DDRGK1: variants seen among roughly 807,000 people sequenced by gnomAD.
The protein encoded by DDRGK1 is DDRGK domain-containing protein 1.
A neutral mutation model predicts 45.8 loss-of-function variants in DDRGK1; 38 were observed. The ratio of observed to expected loss-of-function variants is 0.83; its 90% confidence interval spans 0.64 to 1.09. DDRGK1 has a LOEUF of 1.09. Ranked by LOEUF, DDRGK1 falls within the 50% of genes least tolerant of loss-of-function variation. The probability of loss-of-function intolerance (pLI) is 0.00; values close to 1 mark genes in which losing one functional copy is unlikely to be tolerated. For missense variants in DDRGK1, 403 were observed against 419.9 expected (o/e 0.96, Z 0.35); for synonymous variants, 171 against 168.7 (o/e 1.01, Z -0.11).
intron 2 of DDRGK1, among the ~76,000 whole-genome samples, chr20:3,201,529 A>AAGG (rs2067039570): frequency 6.6e-6 from 1 of 151,966 alleles, no homozygotes; most frequent in South Asian, 2.1e-4. Flanking sequence ...AGCCACAAAG[A>AAGG]AGGAGGTATC....
chr20:3,201,853 C>T (rs1015461465), intron 2 of DDRGK1, among the ~76,000 whole-genome samples: 2 of 151,484 alleles, frequency 1.3e-5, no homozygotes, highest in Admixed American at 6.6e-5. Flanking sequence ...TAGTAGAGAC[C>T]GGGTTTCACC....
At chr20:3,191,699 G>T in intron 7 of DDRGK1, 66 bp downstream of exon 7, 1 of 1,520,092 alleles carries the variant, frequency 6.6e-7, no homozygotes, top group Non-Finnish European at 9.0e-7. Context: ...CTTTAGGGCA[G>T]GTCCTCTCTG....
chr20:3,191,879 A>T, intron 6 of DDRGK1, 58 bp from the exon 7 acceptor site: 1 of 1,539,856 alleles, frequency 6.5e-7, no homozygotes, highest in Non-Finnish European at 8.8e-7. Flanking sequence ...CCCTCTAAGC[A>T]TGGGCACCCT....
At chr20:3,191,929 G>C (rs1226975948) in intron 6 of DDRGK1, 108 bp from the exon 7 acceptor site, 3 of 1,045,868 alleles carry the variant, frequency 2.9e-6, no homozygotes, top group Non-Finnish European at 2.8e-6. Context: ...TCGGTGGCTG[G>C]AAAAACACTG....
rs75337002 is a variant in DDRGK1, at chr20:3,201,676, G to C, written c.296-1222C>G. Reference sequence around the variant, plus strand: ...TGTTTTTTTTGGTTTTTTTTTTTTTGAGACGGAGTCTCGCTCTGTTGCCCA... The same window carrying C: ...TGTTTTTTTTGGTTTTTTTTTTTTTCAGACGGAGTCTCGCTCTGTTGCCCA... On this transcript the variant is annotated intron_variant, in intron 2 of 8. Transcript: ENST00000354488. Among the ~76,000 whole-genome samples the C allele has an allele frequency of 1.9e-3, 244 of 129,802 alleles. 1 individual carries two copies. The highest frequency in any genetic ancestry group is 6.7e-3 in the African/African-American group (234 of 35,124). The allele number at this position is 129,802 out of a possible 152,430, so 85.2% of individuals were successfully genotyped here. A position where few individuals can be genotyped will look rare whatever the true frequency, so the allele number is the denominator to read the frequency against.
chr20:3,194,677 C>T, intron 6 of DDRGK1, 153 bp downstream of exon 6: 1 of 981,548 alleles, frequency 1.0e-6, no homozygotes, highest in South Asian at 1.6e-5. Flanking sequence ...GAGAAACTCT[C>T]CTGGCCAGGA....
At chr20:3,202,213 C>G (rs954149853) in intron 2 of DDRGK1, among the ~76,000 whole-genome samples, 4 of 152,088 alleles carry the variant, frequency 2.6e-5, no homozygotes, top group Non-Finnish European at 5.9e-5. Context: ...CTTGGCCTCC[C>G]AAAGTGCTGG....
chr20:3,190,715 C>A lies in DDRGK1; in HGVS notation c.883G>T (p.Ala295Ser). Residue 295 changes from alanine to serine, a missense_variant, in exon 9 of 9, where the codon GCC becomes TCC. Transcript: ENST00000354488. ...GCGATGAGGGAGTTGCTGGCTTGGGCAAGCTCGGCGATGGACACCCGGCCC... is the reference window on the plus strand; with the variant it reads ...GCGATGAGGGAGTTGCTGGCTTGGGAAAGCTCGGCGATGGACACCCGGCCC... ...QRGRVSIAELAQASNSLIAWG... is the reference protein window; with the variant it reads ...QRGRVSIAELSQASNSLIAWG... 1 of 1,614,094 alleles carries A rather than the reference C, an allele frequency of 6.2e-7. No homozygotes were observed. The highest frequency in any genetic ancestry group is 8.5e-7 in the Non-Finnish European group (1 of 1,179,996).
Position 3,200,349 on chromosome 20 carries a change from T to C in DDRGK1, c.401A>G (p.Gln134Arg). Residue 134 changes from glutamine (Q) to arginine (R), a missense_variant, in exon 3 of 9, where the codon CAG becomes CGG. Physicochemically the swap from Gln to Arg is conservative, Grantham distance 43 (BLOSUM62 1). Coordinates refer to ENST00000354488, the MANE Select transcript of DDRGK1 (RefSeq NM_023935.3). ...KLEEKQARKA[Q>R]REAEEAEREE... is the part of the protein sequence containing the mutation. The stretch of plus-strand genomic sequence containing the variant: ...CCCATCCCTCCGGCTTGCCTCACGC[T>C]GGGCCTTTCGCGCTTGTTTCTCCTC... 3 of 1,564,682 alleles carry C rather than the reference T, an allele frequency of 1.9e-6. No homozygotes were observed. Among genetic ancestry groups the C allele is most frequent in the Non-Finnish European group, 2.6e-6 (3 of 1,154,184 alleles).
chr20:3,201,356 C>T (rs145778765), intron 2 of DDRGK1, among the ~76,000 whole-genome samples: 2,247 of 147,502 alleles, frequency 0.015, 24 homozygotes, highest in Non-Finnish European at 0.023. Flanking sequence ...CTACTAGGGA[C>T]GCTGAAGCAG....
intron 2 of DDRGK1, 49 bp downstream of exon 2, chr20:3,203,164 C>A (rs771681976): frequency 1.4e-6 from 2 of 1,443,012 alleles, no homozygotes; most frequent in Admixed American, 2.7e-5. Context: ...GCCCTTTTAT[C>A]CCCCCCTCCA....
rs530170046 is a variant in DDRGK1, at chr20:3,191,332, T to G, written c.730-94A>C. On this transcript the variant is annotated intron_variant, in intron 7 of 8. Coordinates refer to ENST00000354488, the MANE Select transcript of DDRGK1 (RefSeq NM_023935.3). ...CTCCCACTACAGCCAAATCTCTTTA[T>G]TTCCCTCTCATGCCACGCCCAAATG... 4 of 1,396,134 alleles carry G rather than the reference T, an allele frequency of 2.9e-6. No homozygotes were observed. In the South Asian group the frequency reaches 4.7e-5, roughly 17 times the overall value. The allele number at this position is 1,396,134 out of a possible 1,614,324, so 86.5% of individuals were successfully genotyped here. A position where few individuals can be genotyped will look rare whatever the true frequency, so the allele number is the denominator to read the frequency against.
intron 4 of DDRGK1, among the ~76,000 whole-genome samples, chr20:3,196,630 G>A (rs1478207810): frequency 3.4e-4 from 52 of 152,226 alleles, no homozygotes; most frequent in Non-Finnish European, 4.4e-4. Flanking sequence ...GCAGTGAGCC[G>A]AGACTGTGCC....
chr20:3,202,110 G>A (rs888032585), intron 2 of DDRGK1, among the ~76,000 whole-genome samples: 1 of 151,168 alleles, frequency 6.6e-6, no homozygotes, highest in African/African-American at 2.4e-5. Flanking sequence ...CTCCCAAGTA[G>A]CTGGAACTAC....
At chr20:3,193,397 GTC>G (rs2066997443) in intron 6 of DDRGK1, among the ~76,000 whole-genome samples, 2 of 151,850 alleles carry the variant, frequency 1.3e-5, no homozygotes, top group South Asian at 4.1e-4. Context: ...TTGAGACAGA[GTC>G]TCACTCTGTC....
Position 3,190,559 on chromosome 20 carries a change from C to A in DDRGK1, c.*94G>T. On this transcript the variant is annotated 3_prime_UTR_variant, in exon 9 of 9. Transcript: ENST00000354488. ...AGGCCTTTAATCTATAACTGCCTGG[C>A]CACACCATCACTTCCCCAGGATGGT... 1 of 1,494,568 alleles carries A rather than the reference C, an allele frequency of 6.7e-7. No individual in the cohort carries two copies. Among genetic ancestry groups the A allele is most frequent in the South Asian group, 1.2e-5 (1 of 80,676 alleles). 92.6% of individuals were successfully genotyped at this position (1,494,568 alleles called of 1,614,324 possible). A position where few individuals can be genotyped will look rare whatever the true frequency, so the allele number is the denominator to read the frequency against.
Position 3,190,484 on chromosome 20 carries a change from AG to A in DDRGK1, c.*168del, listed in dbSNP as rs1387597036. ...ATTTCACCTGCTTATCTAGGATCCT[AG>A]GCCAGGCCTTCTGCCACACCAAGCC... On this transcript the variant is annotated 3_prime_UTR_variant, in exon 9 of 9. Coordinates refer to ENST00000354488, the MANE Select transcript of DDRGK1 (RefSeq NM_023935.3). 1.4e-4 allele frequency: 116 copies of A among 807,072 alleles called. No homozygotes were observed. In the East Asian group the frequency reaches 2.6e-3, roughly 18 times the overall value. 50.0% of individuals were successfully genotyped at this position (807,072 alleles called of 1,614,324 possible). A position where few individuals can be genotyped will look rare whatever the true frequency, so the allele number is the denominator to read the frequency against.
chr20:3,194,100 C>T (rs1600471617), intron 6 of DDRGK1, among the ~76,000 whole-genome samples: 1 of 152,146 alleles, frequency 6.6e-6, no homozygotes, highest in African/African-American at 2.4e-5. Flanking sequence ...TGCTGGCAGG[C>T]GTCTAAACCC....
At chr20:3,191,060 A>G in intron 8 of DDRGK1, 130 bp downstream of exon 8, 2 of 1,277,184 alleles carry the variant, frequency 1.6e-6, no homozygotes, top group South Asian at 1.3e-5. Flanking sequence ...CCAGCTACTC[A>G]GTGCCCCTCC....
Sources: gnomAD v4.1 joint callset for allele counts (sites outside exome capture counted in the v4.1 genomes callset) on GRCh38, gnomAD v4.1.1 for gene constraint, MANE v1.5 for transcripts, NCBI Gene and HGNC (gene_info 2026-07-23, HGNC 2026-07-21) for gene names.